The following PTPRN2 variants were observed in gnomAD, a reference collection of about 807,000 sequenced individuals.
PTPRN2 encodes the protein receptor-type tyrosine-protein phosphatase N2.
PTPRN2 carries 74 observed loss-of-function variants against 118.8 expected under a neutral mutation model. That is an observed-to-expected ratio of 0.62 (90% CI 0.52 to 0.76). The LOEUF is 0.76. Among genes scored for constraint, PTPRN2 ranks in the 30% least tolerant of loss-of-function variants. The probability of loss-of-function intolerance (pLI) is 0.00; values close to 1 mark genes in which losing one functional copy is unlikely to be tolerated. For missense variants in PTPRN2, 1,481 were observed against 1,394.4 expected (o/e 1.06, Z -0.99); for synonymous variants, 641 against 608.0 (o/e 1.05, Z -0.80).
intron 12 of PTPRN2, among the ~76,000 whole-genome samples, chr7:157,736,903 A>G (rs769334777): frequency 4.6e-5 from 7 of 152,212 alleles, no homozygotes; most frequent in South Asian, 2.1e-4. Context: ...GTTTCCCTCT[A>G]CAAATGAAAA....
At chr7:158,267,669 G>A (rs1001632259) in intron 3 of PTPRN2, among the ~76,000 whole-genome samples, 3 of 152,208 alleles carry the variant, frequency 2.0e-5, no homozygotes, top group Non-Finnish European at 2.9e-5. Context: ...CACAGCCTAA[G>A]CTTCTGCAGG....
At chr7:157,553,214 C>T (rs1212671613) in intron 21 of PTPRN2, among the ~76,000 whole-genome samples, 1 of 152,212 alleles carries the variant, frequency 6.6e-6, no homozygotes, top group Non-Finnish European at 1.5e-5. Flanking sequence ...CGTTAGGTGG[C>T]TTTAGGGTAC....
intron 6 of PTPRN2, among the ~76,000 whole-genome samples, chr7:158,165,570 G>A (rs181886146): frequency 2.4e-4 from 37 of 152,360 alleles, no homozygotes; most frequent in South Asian, 2.1e-4. Flanking sequence ...GAGAGCTCCC[G>A]GCTGCAGACA....
At chr7:157,736,602 G>A (rs775945095) in intron 12 of PTPRN2, among the ~76,000 whole-genome samples, 1 of 149,436 alleles carries the variant, frequency 6.7e-6, no homozygotes, top group African/African-American at 2.4e-5. Flanking sequence ...GAGAACAGAC[G>A]TGTCCTGCAG....
At chr7:157,689,816 C>T (rs974267931) in intron 12 of PTPRN2, among the ~76,000 whole-genome samples, 2 of 152,206 alleles carry the variant, frequency 1.3e-5, no homozygotes, top group African/African-American at 2.4e-5. Context: ...GCCTCTGGAA[C>T]GCCTCTCCCT....
At chr7:157,555,084 T>G (rs1798815473) in intron 21 of PTPRN2, among the ~76,000 whole-genome samples, 1 of 150,040 alleles carries the variant, frequency 6.7e-6, no homozygotes. Context: ...CTCGTGTTAG[T>G]GGACCAGGGA....
intron 3 of PTPRN2, among the ~76,000 whole-genome samples, chr7:158,256,075 C>A (rs575852268): frequency 6.6e-6 from 1 of 152,348 alleles, no homozygotes; most frequent in African/African-American, 2.4e-5. Flanking sequence ...GCTGTGTGTT[C>A]TGTCTCATCC....
chr7:157,969,439 C>A (rs1328909601), intron 11 of PTPRN2, among the ~76,000 whole-genome samples: 1 of 152,184 alleles, frequency 6.6e-6, no homozygotes. Context: ...ACACATCCTG[C>A]ACTTGTCAGT....
chr7:158,530,193 G>A (rs888729820), intron 1 of PTPRN2, among the ~76,000 whole-genome samples: 4 of 152,104 alleles, frequency 2.6e-5, no homozygotes, highest in South Asian at 2.1e-4. Context: ...AAAGCCTGTC[G>A]ATCCAAAATA....
chr7:157,772,274 C>G (rs1802903469), intron 12 of PTPRN2, among the ~76,000 whole-genome samples: 2 of 133,052 alleles, frequency 1.5e-5, no homozygotes, highest in African/African-American at 5.6e-5. Flanking sequence ...CCCATACAGA[C>G]ATACACAGAC....
chr7:157,999,024 G>A (rs1017188047), intron 11 of PTPRN2, among the ~76,000 whole-genome samples: 1 of 151,848 alleles, frequency 6.6e-6, no homozygotes. Flanking sequence ...AGTGTGGGGC[G>A]GTCCCGGGTC....
intron 2 of PTPRN2, among the ~76,000 whole-genome samples, chr7:158,423,566 C>T (rs539971846): frequency 1.4e-4 from 21 of 151,886 alleles, no homozygotes; most frequent in African/African-American, 4.6e-4. Context: ...CAAAGTCTCA[C>T]TCTGTCACCC....
At chr7:158,341,164 G>C (rs1806684010) in intron 2 of PTPRN2, among the ~76,000 whole-genome samples, 1 of 146,066 alleles carries the variant, frequency 6.8e-6, no homozygotes, top group African/African-American at 2.6e-5. Context: ...GACGCCCGCA[G>C]ACGTCACTCA....
rs974426403 is a variant in PTPRN2, at chr7:157,764,508, G to A, written c.1789-81571C>T. Among the ~76,000 whole-genome samples the A allele has an allele frequency of 2.6e-5, 4 of 152,170 alleles. No individual in the cohort carries two copies. Among genetic ancestry groups the A allele is most frequent in the Admixed American group, 1.3e-4 (2 of 15,280 alleles). ...TGATAAACACTGTGTGATTCCACTC[G>A]TATGGGGTCCTTAGAGTCATCAGAT... On this transcript the variant is annotated intron_variant, in intron 12 of 22. Coordinates refer to ENST00000389418, the MANE Select transcript of PTPRN2 (RefSeq NM_002847.5). The surrounding 1 kb of genome is among the most constrained non-coding windows in gnomAD (Gnocchi z 4.5).
intron 2 of PTPRN2, among the ~76,000 whole-genome samples, chr7:158,417,247 T>C (rs1383204930): frequency 6.6e-6 from 1 of 152,054 alleles, no homozygotes; most frequent in Non-Finnish European, 1.5e-5. Flanking sequence ...AGTGTCCTGC[T>C]GTGTTAAGTC....
intron 20 of PTPRN2, among the ~76,000 whole-genome samples, chr7:157,571,230 A>C (rs1799742958): frequency 6.8e-6 from 1 of 147,698 alleles, no homozygotes; most frequent in African/African-American, 2.5e-5. Context: ...AAAGCAAGCC[A>C]TGTGCAGTTT....
At chr7:158,120,569 T>C (rs927457263) in intron 9 of PTPRN2, among the ~76,000 whole-genome samples, 1 of 152,210 alleles carries the variant, frequency 6.6e-6, no homozygotes, top group African/African-American at 2.4e-5. Flanking sequence ...AAGGAAAGCC[T>C]GTGGCGTGTT....
At chr7:157,867,558 C>T (rs1298812219) in intron 12 of PTPRN2, among the ~76,000 whole-genome samples, 1 of 148,932 alleles carries the variant, frequency 6.7e-6, no homozygotes, top group Non-Finnish European at 1.5e-5. Context: ...ACGGCCACCA[C>T]CCTGTCCCTG....
rs112881713 is a variant in PTPRN2, at chr7:158,582,330, C to T, written c.112+5228G>A. Among the ~76,000 whole-genome samples, 1,020 of 152,246 alleles carry T rather than the reference C, an allele frequency of 6.7e-3. 9 individuals are homozygous for T. The highest frequency in any genetic ancestry group is 0.023 in the African/African-American group (961 of 41,536). ...AGGAAAGATAAGAGAGGTTCTCAGCCGAGGCTCATCTGGCCTTCGTCTCTT... is the reference window on the plus strand; with the variant it reads ...AGGAAAGATAAGAGAGGTTCTCAGCTGAGGCTCATCTGGCCTTCGTCTCTT... On this transcript the variant is annotated intron_variant, in intron 1 of 22. Coordinates refer to ENST00000389418, the MANE Select transcript of PTPRN2 (RefSeq NM_002847.5).
Sources: gnomAD v4.1 joint callset for allele counts (sites outside exome capture counted in the v4.1 genomes callset) on GRCh38, gnomAD v4.1.1 for gene constraint, Gnocchi (gnomAD v3.1) non-coding constraint, MANE v1.5 for transcripts, NCBI Gene and HGNC (gene_info 2026-07-23, HGNC 2026-07-21) for gene names.